PTPRA: variants seen among roughly 807,000 people sequenced by gnomAD.
The protein encoded by PTPRA is protein tyrosine phosphatase receptor type A.
PTPRA carries 25 observed loss-of-function variants against 104.8 expected under a neutral mutation model. That is an observed-to-expected ratio of 0.24 (90% CI 0.17 to 0.33). PTPRA has a LOEUF of 0.33. Ranked by LOEUF, PTPRA falls within the 10% of genes least tolerant of loss-of-function variation. The pLI, the probability that PTPRA is intolerant of heterozygous loss-of-function variation, is 1.00. For missense variants in PTPRA, 765 were observed against 1,015.3 expected (o/e 0.75, Z 3.35); for synonymous variants, 323 against 368.9 (o/e 0.88, Z 1.43).
chr20:3,029,322 G>C (rs1255391519), intron 20 of PTPRA, among the ~76,000 whole-genome samples: 2 of 151,600 alleles, frequency 1.3e-5, no homozygotes, highest in Non-Finnish European at 2.9e-5. Context: ...GTATTTTTTT[G>C]TAGAGACAGG....
chr20:2,893,202 G>GC (rs2147001873), intron 1 of PTPRA, among the ~76,000 whole-genome samples: 1 of 152,342 alleles, frequency 6.6e-6, no homozygotes, highest in Admixed American at 6.5e-5. Context: ...AGCTGCTAAT[G>GC]CAGTGCCTGG....
Position 3,022,351 on chromosome 20 carries a change from C to T in PTPRA, c.1328+131C>T. The T allele has an allele frequency of 1.7e-6, 2 of 1,174,064 alleles. No individual in the cohort carries two copies. The highest frequency in any genetic ancestry group is 2.4e-5 in the Admixed American group (1 of 42,076). 72.7% of individuals were successfully genotyped at this position (1,174,064 alleles called of 1,614,324 possible). ...ATGACCTACTGGGGCACCAGCGCAA[C>T]AGCCAGAGACTCCAAGTTCTAGTGC... On this transcript the variant is annotated intron_variant, in intron 15 of 23. Transcript: ENST00000399903. This position sits in a 1 kb window ranked among gnomAD's most constrained non-coding sequence, Gnocchi z 4.6.
At chr20:3,033,992 G>T (rs2065666917) in intron 20 of PTPRA, among the ~76,000 whole-genome samples, 1 of 151,426 alleles carries the variant, frequency 6.6e-6, no homozygotes, top group Non-Finnish European at 1.5e-5. Context: ...CTTTTGATCA[G>T]ATGTGGTGGC....
chr20:2,892,682 C>T (rs1305371409), intron 1 of PTPRA, among the ~76,000 whole-genome samples: 3 of 152,138 alleles, frequency 2.0e-5, no homozygotes, highest in Non-Finnish European at 2.9e-5. Context: ...CTATGGCATT[C>T]GGTAGGTAAA....
In PTPRA at chr20:2,875,208, A is replaced by C. The variant is rs185633637; in HGVS notation, c.-129+1448A>C. On this transcript the variant is annotated intron_variant, in intron 1 of 23. Transcript: ENST00000399903. ...CTTGGAGTACATGCCCAGGACTTTTAGTATTTCTGATTCCCGGCTTCCCCA... is the reference window on the plus strand; with the variant it reads ...CTTGGAGTACATGCCCAGGACTTTTCGTATTTCTGATTCCCGGCTTCCCCA... Among the ~76,000 whole-genome samples the C allele has an allele frequency of 1.6e-3, 246 of 152,286 alleles. 1 individual carries two copies. The highest frequency in any genetic ancestry group is 4.4e-3 in the African/African-American group (183 of 41,572).
chr20:2,941,044 G>T (rs566837776), intron 2 of PTPRA, among the ~76,000 whole-genome samples: 1 of 150,904 alleles, frequency 6.6e-6, no homozygotes, highest in East Asian at 1.9e-4. Flanking sequence ...TGTTTCTTTG[G>T]TTTTTTGAGA....
chr20:3,022,768 G>A lies in PTPRA; in HGVS notation c.1408G>A (p.Val470Met), dbSNP rs200587047. 16 of 1,614,190 alleles carry A rather than the reference G, an allele frequency of 9.9e-6. No individual in the cohort carries two copies. The highest frequency in any genetic ancestry group is 3.3e-5 in the South Asian group (3 of 91,086). Reference sequence around the variant, plus strand: ...GATGCATACAGAACGGAAGGTGGACGTGTATGGCTTTGTGAGCCGGATCCG... The same window carrying A: ...GATGCATACAGAACGGAAGGTGGACATGTATGGCTTTGTGAGCCGGATCCG... ...DMMHTERKVD[V>M]YGFVSRIRAQ... is the part of the protein sequence containing the mutation. Residue 470 changes from valine (V) to methionine (M), a missense_variant, in exon 16 of 24, where the codon GTG (valine) becomes ATG (methionine). Around this residue, in one of 4 missense-constraint regions of PTPRA, gnomAD observed 245 missense variants for 398.7 expected, o/e 0.61. Coordinates refer to ENST00000399903, the MANE Select transcript of PTPRA (RefSeq NM_001385305.1). This position sits in a 1 kb window ranked among gnomAD's most constrained non-coding sequence, Gnocchi z 4.6.
At chr20:2,926,233 C>T (rs902912744) in intron 2 of PTPRA, among the ~76,000 whole-genome samples, 1 of 152,172 alleles carries the variant, frequency 6.6e-6, no homozygotes, top group Non-Finnish European at 1.5e-5. Context: ...CCTCAGACTT[C>T]TGTAACAAAA....
At chr20:2,925,958 A>G (rs982849456) in intron 2 of PTPRA, among the ~76,000 whole-genome samples, 3 of 152,124 alleles carry the variant, frequency 2.0e-5, no homozygotes, top group African/African-American at 2.4e-5. Flanking sequence ...TTTTTGAGGA[A>G]TCACCATGCT....
At chr20:2,947,529 A>T (rs959114242) in intron 2 of PTPRA, among the ~76,000 whole-genome samples, 3 of 152,150 alleles carry the variant, frequency 2.0e-5, no homozygotes, top group African/African-American at 7.2e-5. Context: ...TGTGCTCTAC[A>T]TTCACCCTGC....
At chr20:2,924,383 G>A (rs1288524684) in intron 2 of PTPRA, among the ~76,000 whole-genome samples, 1 of 152,164 alleles carries the variant, frequency 6.6e-6, no homozygotes, top group Non-Finnish European at 1.5e-5. Flanking sequence ...TCCAATCTGG[G>A]CAACAGGGCG....
Position 3,027,612 on chromosome 20 carries a change from C to A in PTPRA, c.1786-95C>A. ...GCTCTGCATGGGCTGAGTTTGCCTC[C>A]GAGCAGTCCCCATTCCCTTCTAGTG... On this transcript the variant is annotated intron_variant, in intron 19 of 23. Coordinates refer to ENST00000399903, the MANE Select transcript of PTPRA (RefSeq NM_001385305.1). The A allele has an allele frequency of 2.7e-6, 4 of 1,480,982 alleles. No homozygotes were observed. In the South Asian group the frequency reaches 5.1e-5, roughly 19 times the overall value. The allele number at this position is 1,480,982 out of a possible 1,614,324, so 91.7% of individuals were successfully genotyped here.
intron 1 of PTPRA, among the ~76,000 whole-genome samples, chr20:2,893,068 G>A (rs1256451579): frequency 6.6e-6 from 1 of 152,154 alleles, no homozygotes; most frequent in Non-Finnish European, 1.5e-5. Context: ...GCTCTTGAAA[G>A]GTTTGGTTTT....
chr20:3,029,115 G>T (rs1324666663), intron 20 of PTPRA, among the ~76,000 whole-genome samples: 2 of 141,088 alleles, frequency 1.4e-5, no homozygotes, highest in Non-Finnish European at 3.1e-5. Flanking sequence ...ATTACATCAG[G>T]ATTTTTTTTT....
At chr20:2,975,383 A>C in intron 6 of PTPRA, 142 bp downstream of exon 6, 1 of 637,970 alleles carries the variant, frequency 1.6e-6, no homozygotes, top group Non-Finnish European at 2.4e-6. Flanking sequence ...TTCCATGTTA[A>C]TCTCATGGAG....
intron 6 of PTPRA, among the ~76,000 whole-genome samples, chr20:2,978,800 A>C (rs144596424): frequency 4.6e-5 from 7 of 152,278 alleles, no homozygotes; most frequent in Admixed American, 6.5e-5. Context: ...ATGGTATGTA[A>C]ATGAATGAAC....
chr20:3,037,130 G>A lies in PTPRA; in HGVS notation c.2199-24G>A. ...TGCACAGAGGGCCATCACAGGTGTGGTAAATGTGTCTGCTCTGTTGCAGCG... is the reference window on the plus strand; with the variant it reads ...TGCACAGAGGGCCATCACAGGTGTGATAAATGTGTCTGCTCTGTTGCAGCG... On this transcript the variant is annotated intron_variant, in intron 22 of 23. Coordinates refer to ENST00000399903, the MANE Select transcript of PTPRA (RefSeq NM_001385305.1). The surrounding 1 kb of genome is among the most constrained non-coding windows in gnomAD (Gnocchi z 4.3). The A allele has an allele frequency of 6.2e-7, 1 of 1,611,506 alleles. No individual in the cohort carries two copies. The highest frequency in any genetic ancestry group is 1.1e-5 in the South Asian group (1 of 90,628).
chr20:2,909,990 T>TATATG lies in PTPRA; in HGVS notation c.-128-13213_-128-13212insGATAT. On this transcript the variant is annotated intron_variant, in intron 1 of 23. Coordinates refer to ENST00000399903, the MANE Select transcript of PTPRA (RefSeq NM_001385305.1). The stretch of plus-strand genomic sequence containing the variant: ...TATATATATAATCTATCATATATCA[T>TATATG]ATATATAATCTATCATATATCATAT... Among the ~76,000 whole-genome samples, 2 of 87,846 alleles carry TATATG rather than the reference T, an allele frequency of 2.3e-5. 1 individual carries two copies. The highest frequency in any genetic ancestry group is 8.0e-5 in the African/African-American group (2 of 24,862). 57.6% of individuals were successfully genotyped at this position (87,846 alleles called of 152,430 possible). A position where few individuals can be genotyped will look rare whatever the true frequency, so the allele number is the denominator to read the frequency against.
At chr20:2,940,399 T>G (rs1175515762) in intron 2 of PTPRA, among the ~76,000 whole-genome samples, 2 of 151,866 alleles carry the variant, frequency 1.3e-5, no homozygotes, top group South Asian at 2.1e-4. Context: ...CAGGCAATCC[T>G]CCTCCCTCAG....
Sources: allele counts gnomAD v4.1 joint callset (sites outside exome capture counted in the v4.1 genomes callset), GRCh38; gene constraint gnomAD v4.1.1; regional missense constraint gnomAD v4.1.1; non-coding constraint Gnocchi (gnomAD v3.1); transcripts MANE v1.5; gene names NCBI Gene and HGNC (gene_info 2026-07-23, HGNC 2026-07-21).